The following WAC variants were observed in gnomAD, a reference collection of about 807,000 sequenced individuals.
WAC encodes the protein WW domain-containing adapter protein with coiled-coil.
A neutral mutation model predicts 79.6 loss-of-function variants in WAC; 11 were observed. The ratio of observed to expected loss-of-function variants is 0.14; its 90% confidence interval spans 0.09 to 0.23. WAC has a LOEUF of 0.23. Ranked by LOEUF, WAC falls within the 10% of genes least tolerant of loss-of-function variation. The pLI, the probability that WAC is intolerant of heterozygous loss-of-function variation, is 1.00. For missense variants in WAC, 728 were observed against 773.5 expected (o/e 0.94, Z 0.70); for synonymous variants, 304 against 276.9 (o/e 1.10, Z -0.97).
intron 12 of WAC, 78 bp downstream of exon 12, chr10:28,616,440 G>A (rs1288078542): frequency 8.6e-7 from 1 of 1,160,092 alleles, no homozygotes. Flanking sequence ...AGAATCTAAT[G>A]TGACCACTGA....
At chr10:28,557,287 A>G (rs995929406) in intron 3 of WAC, among the ~76,000 whole-genome samples, 2 of 152,200 alleles carry the variant, frequency 1.3e-5, no homozygotes, top group Admixed American at 1.3e-4. Context: ...AATAAAAATC[A>G]CCTTATTGAA....
At chr10:28,608,602 G>GT in intron 8 of WAC, 171 bp downstream of exon 8, 1 of 670,938 alleles carries the variant, frequency 1.5e-6, no homozygotes, top group South Asian at 2.0e-5. Context: ...ATCCACTGTA[G>GT]TTTAAGACCA....
intron 3 of WAC, 96 bp from the exon 4 acceptor site, chr10:28,583,301 TAG>T: frequency 1.2e-6 from 1 of 851,534 alleles, no homozygotes; most frequent in Non-Finnish European, 1.8e-6. Flanking sequence ...GATGTTCGTT[TAG>T]AGATATAAAA....
At chr10:28,556,360 T>C (rs1361757590) in intron 3 of WAC, among the ~76,000 whole-genome samples, 2 of 150,370 alleles carry the variant, frequency 1.3e-5, no homozygotes, top group East Asian at 2.0e-4. Flanking sequence ...GTTTTAAAAA[T>C]GGTAGATTCA....
intron 3 of WAC, among the ~76,000 whole-genome samples, chr10:28,540,876 TG>T (rs960705421): frequency 2.6e-5 from 4 of 152,014 alleles, no homozygotes; most frequent in African/African-American, 9.7e-5. Context: ...AACTCTTCAT[TG>T]TTTTTTTTTT....
intron 9 of WAC, chr10:28,611,059 A>G (rs1373387266): frequency 3.5e-6 from 2 of 569,896 alleles, no homozygotes; most frequent in East Asian, 7.3e-5. Flanking sequence ...CAAATCTGTA[A>G]TTATTTAAGA....
rs567615562 is a variant in WAC, at chr10:28,593,641, G to T, written c.611-2092G>T. On this transcript the variant is annotated intron_variant, in intron 6 of 13. Transcript: ENST00000354911. ...AAATAAGCTGGGCGTGGTGGTGCGC[G>T]CCTGTAATCCCAGCCACGTGGGAGG... is the stretch of plus-strand genomic sequence containing the variant. 5.9e-5 allele frequency among the ~76,000 whole-genome samples: 9 copies of T among 151,318 alleles called. No individual in the cohort carries two copies. In the East Asian group the frequency reaches 1.8e-3, roughly 30 times the overall value.
chr10:28,611,664 T>TG (rs1236297213), intron 9 of WAC, 110 bp from the exon 10 acceptor site: 33 of 1,342,460 alleles, frequency 2.5e-5, no homozygotes, highest in Non-Finnish European at 2.0e-5. Flanking sequence ...AATATGGGGG[T>TG]GGGGGGGTTT....
chr10:28,581,357 G>A (rs1008633324), intron 3 of WAC, among the ~76,000 whole-genome samples: 1 of 148,006 alleles, frequency 6.8e-6, no homozygotes, highest in African/African-American at 2.5e-5. Context: ...CAGTAGTCGG[G>A]ACTAGTGCAA....
chr10:28,566,986 A>G (rs145677821), intron 3 of WAC, among the ~76,000 whole-genome samples: 17 of 145,376 alleles, frequency 1.2e-4, no homozygotes, highest in Admixed American at 3.4e-4. Context: ...AGTTTTGCAT[A>G]TATTGGCTTC....
At chr10:28,611,982 C>T (rs745752955) in intron 10 of WAC, 60 bp downstream of exon 10, 32 of 1,578,134 alleles carry the variant, frequency 2.0e-5, no homozygotes, top group Middle Eastern at 1.7e-4. Context: ...AAGTCAATAA[C>T]ATTTTAGAAT....
chr10:28,540,583 C>T (rs1265962901), intron 3 of WAC, among the ~76,000 whole-genome samples: 2 of 152,190 alleles, frequency 1.3e-5, no homozygotes, highest in South Asian at 4.1e-4. Context: ...TCCATTTTCT[C>T]TTAATCCCTC....
intron 3 of WAC, among the ~76,000 whole-genome samples, chr10:28,572,538 G>A (rs1013566280): frequency 3.3e-5 from 5 of 152,058 alleles, no homozygotes; most frequent in East Asian, 1.9e-4. Context: ...TTGGCTGGGT[G>A]TGGTGGCTCA....
chr10:28,606,428 T>C (rs2132791353), intron 7 of WAC, among the ~76,000 whole-genome samples: 1 of 152,338 alleles, frequency 6.6e-6, no homozygotes, highest in Non-Finnish European at 1.5e-5. Context: ...CTGAAAATAA[T>C]AGGCAGTCTG....
At chr10:28,619,474 G>T in intron 13 of WAC, 63 bp from the exon 14 acceptor site, 1 of 1,240,342 alleles carries the variant, frequency 8.1e-7, no homozygotes, top group Non-Finnish European at 1.1e-6. Flanking sequence ...AATTATAAAA[G>T]CTCGGGTTTT....
chr10:28,580,697 C>G (rs1483070568), intron 3 of WAC, among the ~76,000 whole-genome samples: 1 of 152,146 alleles, frequency 6.6e-6, no homozygotes. Flanking sequence ...ATTACTAGTT[C>G]TACTTCTTAT....
intron 4 of WAC, among the ~76,000 whole-genome samples, chr10:28,585,015 C>T (rs1839743553): frequency 6.6e-6 from 1 of 152,014 alleles, no homozygotes; most frequent in Non-Finnish European, 1.5e-5. Context: ...TTGCAGTGAG[C>T]CAAGATCACC....
At chr10:28,564,912 C>G (rs1589162161) in intron 3 of WAC, among the ~76,000 whole-genome samples, 1 of 152,108 alleles carries the variant, frequency 6.6e-6, no homozygotes, top group African/African-American at 2.4e-5. Flanking sequence ...TGCATGAATA[C>G]GTTAAGGTGA....
rs931961414 is a variant in WAC, at chr10:28,610,909, TTCA to T, written c.1288+90_1288+92del. On this transcript the variant is annotated intron_variant, in intron 9 of 13. Transcript: ENST00000354911. ...CCCTTTTTTGTATTTAGTTTTTTCTTTCATTTTTTTTTTTAGTTTTTTAAGAGA... is the reference window on the plus strand; with the variant it reads ...CCCTTTTTTGTATTTAGTTTTTTCTTTTTTTTTTTTTAGTTTTTTAAGAGA... The T allele has an allele frequency of 1.6e-5, 22 of 1,358,016 alleles. No homozygotes were observed. The African/African-American group carries it at 3.1e-4, about 19-fold the overall frequency. The allele number at this position is 1,358,016 out of a possible 1,614,324, so 84.1% of individuals were successfully genotyped here.
Sources: gnomAD v4.1 joint callset for allele counts (sites outside exome capture counted in the v4.1 genomes callset) on GRCh38, gnomAD v4.1.1 for gene constraint, MANE v1.5 for transcripts, NCBI Gene and HGNC (gene_info 2026-07-23, HGNC 2026-07-21) for gene names.